Variants in MAP3K13 observed in about 807,000 individuals in gnomAD.
MAP3K13 encodes mitogen-activated protein kinase kinase kinase 13.
MAP3K13 carries 52 observed loss-of-function variants against 104.0 expected under a neutral mutation model. The ratio of observed to expected loss-of-function variants is 0.50; its 90% CI spans 0.40 to 0.63. The LOEUF (loss-of-function observed/expected upper bound fraction) is 0.63. MAP3K13 is among the 20% of genes least tolerant of loss of function. The probability of loss-of-function intolerance (pLI) is 0.00; values close to 1 mark genes in which losing one functional copy is unlikely to be tolerated. For synonymous variants in MAP3K13, 394 were observed against 442.2 expected, an observed-to-expected ratio of 0.89 and a Z score of 1.37; for missense variants, 914 against 1,218.5, an observed-to-expected ratio of 0.75 and a Z score of 3.72.
intron 1 of MAP3K13, among the ~76,000 whole-genome samples, chr3:185,402,156 T>A (rs937610354): frequency 6.6e-6 from 1 of 152,200 alleles, no homozygotes; most frequent in African/African-American, 2.4e-5. Flanking sequence ...CAGGTGCTCT[T>A]AAAAACGGTC....
At chr3:185,380,570 A>C (rs1266156948) in intron 1 of MAP3K13, among the ~76,000 whole-genome samples, 2 of 152,084 alleles carry the variant, frequency 1.3e-5, no homozygotes, top group Admixed American at 1.3e-4. Flanking sequence ...CGCAGTCAGA[A>C]ATGTTGAGGG....
chr3:185,382,835 C>T (rs926969339), intron 1 of MAP3K13, among the ~76,000 whole-genome samples: 10 of 152,036 alleles, frequency 6.6e-5, no homozygotes, highest in Admixed American at 1.3e-4. Flanking sequence ...GAAACCCCAT[C>T]TCTACTAAAA....
intron 2 of MAP3K13, among the ~76,000 whole-genome samples, chr3:185,316,017 G>A (rs1721657508): frequency 6.6e-6 from 1 of 151,932 alleles, no homozygotes; most frequent in Non-Finnish European, 1.5e-5. Context: ...TATCTTAGAG[G>A]GCAAAGTGCG....
intron 1 of MAP3K13, among the ~76,000 whole-genome samples, chr3:185,388,573 C>A (rs973506045): frequency 1.3e-5 from 2 of 151,986 alleles, no homozygotes; most frequent in Non-Finnish European, 2.9e-5. Context: ...GCTCATGGAT[C>A]GGAAGAATTA....
At chr3:185,328,179 C>T (rs900036739) in intron 2 of MAP3K13, among the ~76,000 whole-genome samples, 5 of 152,076 alleles carry the variant, frequency 3.3e-5, no homozygotes, top group African/African-American at 9.7e-5. Context: ...GAAAATACTA[C>T]GTTTACCAAG....
intron 1 of MAP3K13, among the ~76,000 whole-genome samples, chr3:185,398,912 T>G (rs1035494219): frequency 9.2e-5 from 14 of 152,242 alleles, no homozygotes; most frequent in Admixed American, 8.5e-4. Context: ...TCCTGTTGAT[T>G]GTCATTACAG....
At chr3:185,339,152 T>A (rs796899533) in intron 2 of MAP3K13, among the ~76,000 whole-genome samples, 20 of 152,230 alleles carry the variant, frequency 1.3e-4, no homozygotes, top group African/African-American at 4.6e-4. Flanking sequence ...AAACCCCGTC[T>A]CTATTAAAAA....
chr3:185,382,168 C>T (rs1247868847), intron 1 of MAP3K13, among the ~76,000 whole-genome samples: 1 of 152,002 alleles, frequency 6.6e-6, no homozygotes, highest in African/African-American at 2.4e-5. Flanking sequence ...AACATATATA[C>T]CTATGATAAA....
chr3:185,387,262 T>C (rs1319495997), intron 1 of MAP3K13, among the ~76,000 whole-genome samples: 4 of 152,168 alleles, frequency 2.6e-5, no homozygotes, highest in Non-Finnish European at 5.9e-5. Flanking sequence ...ATGAATATAC[T>C]AATGCTCTTC....
chr3:185,447,680 T>A, intron 4 of MAP3K13, 109 bp from the exon 5 acceptor site: 1 of 793,378 alleles, frequency 1.3e-6, no homozygotes, highest in Non-Finnish European at 2.0e-6. Context: ...GCAAGCTGAA[T>A]GCTACAAGAT....
chr3:185,457,555 GGCTCT>G (rs571742387), intron 7 of MAP3K13, among the ~76,000 whole-genome samples: 68 of 152,194 alleles, frequency 4.5e-4, no homozygotes, highest in African/African-American at 1.6e-3. Flanking sequence ...CATTCATGAG[GGCTCT>G]GCCCTCATGA....
chr3:185,399,551 T>TGAGCG (rs1301439748), intron 1 of MAP3K13, among the ~76,000 whole-genome samples: 2 of 147,686 alleles, frequency 1.4e-5, no homozygotes, highest in African/African-American at 5.0e-5. Context: ...AAGGTTGCAG[T>TGAGCG]GAGCGGAGAT....
At chr3:185,479,842 T>C (rs1718341915) in intron 12 of MAP3K13, among the ~76,000 whole-genome samples, 1 of 152,148 alleles carries the variant, frequency 6.6e-6, no homozygotes, top group African/African-American at 2.4e-5. Flanking sequence ...CTCTGTTTCC[T>C]CACATGGTCT....
chr3:185,330,708 G>T (rs149631196), intron 2 of MAP3K13, among the ~76,000 whole-genome samples: 2 of 152,172 alleles, frequency 1.3e-5, no homozygotes, highest in East Asian at 1.9e-4. Flanking sequence ...TGTACTAGCC[G>T]CATGGTAACA....
At chr3:185,283,175 ACT>A (rs1248076589) in intron 1 of MAP3K13, 1 of 152,222 alleles carries the variant, frequency 6.6e-6, no homozygotes, top group East Asian at 1.9e-4. Context: ...TTGGCATTAG[ACT>A]CTCTGAGGGG....
intron 7 of MAP3K13, among the ~76,000 whole-genome samples, chr3:185,455,058 T>A (rs1240127553): frequency 9.7e-6 from 1 of 102,722 alleles, no homozygotes; most frequent in African/African-American, 3.7e-5. Context: ...GAGATATATG[T>A]GAGATATATA....
rs200740176 is a variant in MAP3K13 at position 185,436,209 on chromosome 3, T to TA, written c.476-1233dup. On this transcript the variant is annotated intron_variant, in intron 2 of 13. Coordinates refer to ENST00000265026, the MANE Select transcript of MAP3K13 (RefSeq NM_004721.5). Reference sequence around the variant, plus strand: ...TTATAAAAGTGATATAGGCTTATGGTAAAAATAGTTTTTAAGACAGAAAAC... The same window carrying TA: ...TTATAAAAGTGATATAGGCTTATGGTAAAAAATAGTTTTTAAGACAGAAAAC... 3.4e-3 allele frequency among the ~76,000 whole-genome samples: 517 copies of TA among 152,302 alleles called. 5 individuals are homozygous for TA. The highest frequency in any genetic ancestry group is 0.011 in the African/African-American group (467 of 41,572).
intron 1 of MAP3K13, among the ~76,000 whole-genome samples, chr3:185,425,839 C>T (rs1229809888): frequency 6.6e-6 from 1 of 152,192 alleles, no homozygotes; most frequent in African/African-American, 2.4e-5. Context: ...CATCTCTAGA[C>T]ACATTTTATA....
At chr3:185,408,871 C>T (rs1713270254) in intron 1 of MAP3K13, among the ~76,000 whole-genome samples, 1 of 152,180 alleles carries the variant, frequency 6.6e-6, no homozygotes, top group African/African-American at 2.4e-5. Context: ...CAACCTTGCA[C>T]TAATGGGAGG....
Sources: allele counts gnomAD v4.1 joint callset (sites outside exome capture counted in the v4.1 genomes callset), GRCh38; gene constraint gnomAD v4.1.1; transcripts MANE v1.5; gene names NCBI Gene and HGNC (gene_info 2026-07-23, HGNC 2026-07-21).